GPR180: variants seen among roughly 807,000 people sequenced by gnomAD.
The protein encoded by GPR180 is G protein-coupled receptor 180, also known as integral membrane protein GPR180.
A neutral mutation model predicts 52.6 loss-of-function variants in GPR180; 53 were observed. The ratio of observed to expected loss-of-function variants is 1.01; its 90% confidence interval spans 0.81 to 1.27. The LOEUF is 1.27. Among genes scored for constraint, GPR180 ranks in the 50% most tolerant of loss-of-function variants. The pLI is 0.00. For synonymous variants in GPR180, 200 were observed against 193.1 expected (o/e 1.04, Z -0.30); for missense variants, 533 against 527.0 (o/e 1.01, Z -0.11).
intron 2 of GPR180, 150 bp from the exon 3 acceptor site, chr13:94,612,040 C>G (rs1207971224): frequency 8.2e-6 from 5 of 610,336 alleles, no homozygotes; most frequent in Non-Finnish European, 1.4e-5. Flanking sequence ...ATCTGGTTTA[C>G]AAGACTTATT....
intron 8 of GPR180, among the ~76,000 whole-genome samples, chr13:94,626,261 GTAC>G (rs1418727950): frequency 6.6e-6 from 1 of 152,014 alleles, no homozygotes; most frequent in East Asian, 1.9e-4. Flanking sequence ...TTTCTTGATT[GTAC>G]TACAATAGAT....
chr13:94,624,437 T>A (rs1889895234), intron 7 of GPR180, among the ~76,000 whole-genome samples: 1 of 152,248 alleles, frequency 6.6e-6, no homozygotes, highest in South Asian at 2.1e-4. Flanking sequence ...TTCAGGCTTC[T>A]GAGCGCAAGA....
intron 2 of GPR180, among the ~76,000 whole-genome samples, chr13:94,609,837 C>T (rs1889681549): frequency 6.6e-6 from 1 of 151,818 alleles, no homozygotes; most frequent in Non-Finnish European, 1.5e-5. Flanking sequence ...ATCAGATCCT[C>T]TTGTTCAATT....
chr13:94,619,487 G>A lies in GPR180; in HGVS notation c.706G>A (p.Gly236Arg), dbSNP rs1313945530. Residue 236 changes from glycine to arginine, a missense_variant, in exon 5 of 9, where the codon GGG becomes AGG. Coordinates refer to ENST00000376958, the MANE Select transcript of GPR180 (RefSeq NM_180989.6). ...CCTCAGTTACTCCAAAGATGGAATA[G>A]GGGTACCATTTATGGGAAGTTTGGC... is the stretch of plus-strand genomic sequence containing the variant. ...HFSSYSKDGI[G>R]VPFMGSLAEF... is the part of the protein sequence containing the mutation. 1 of 1,613,478 alleles carries A rather than the reference G, an allele frequency of 6.2e-7. No homozygotes were observed. Among genetic ancestry groups the A allele is most frequent in the Admixed American group, 1.7e-5 (1 of 59,986 alleles).
At chr13:94,603,593 AG>A (rs1442198569) in intron 1 of GPR180, among the ~76,000 whole-genome samples, 1 of 152,234 alleles carries the variant, frequency 6.6e-6, no homozygotes, top group Non-Finnish European at 1.5e-5. Flanking sequence ...TGCAATTTAC[AG>A]TGTCAATTGG....
intron 6 of GPR180, among the ~76,000 whole-genome samples, chr13:94,621,702 T>G (rs1889853991): frequency 6.6e-6 from 1 of 152,184 alleles, no homozygotes; most frequent in Admixed American, 6.5e-5. Context: ...TAAGATTAAT[T>G]AAAGGGCAAA....
rs534124610 is a variant in GPR180, at chr13:94,618,749, G to C, written c.506-401G>C. Among the ~76,000 whole-genome samples, 5 of 152,194 alleles carry C rather than the reference G, an allele frequency of 3.3e-5. No homozygotes were observed. The South Asian group carries it at 8.3e-4, about 25-fold the overall frequency. The stretch of plus-strand genomic sequence containing the variant: ...ATGCATTGTCAGGGCATATTAAACT[G>C]TTATTGACTGAGGTAATCTATTTCT... On this transcript the variant is annotated intron_variant, in intron 3 of 8. Coordinates refer to ENST00000376958, the MANE Select transcript of GPR180 (RefSeq NM_180989.6).
intron 6 of GPR180, among the ~76,000 whole-genome samples, chr13:94,622,889 T>A (rs897623173): frequency 5.3e-5 from 8 of 152,192 alleles, no homozygotes; most frequent in Non-Finnish European, 7.4e-5. Flanking sequence ...TAGAATTTTT[T>A]AAAAATCTCT....
At chr13:94,622,741 T>C (rs570350500) in intron 6 of GPR180, among the ~76,000 whole-genome samples, 2 of 152,264 alleles carry the variant, frequency 1.3e-5, no homozygotes, top group East Asian at 3.9e-4. Flanking sequence ...ACCCAGCTAA[T>C]TTTTTGTATT....
rs558130308 is a variant in GPR180 at position 94,608,837 on chromosome 13, A to G, written c.304+3288A>G. ...TGCTGCTGTGTACTATGAAAAGACT[A>G]GCAGATTAGAAAAATCTTAGTGTTG... On this transcript the variant is annotated intron_variant, in intron 2 of 8. Transcript: ENST00000376958. Among the ~76,000 whole-genome samples, 48 of 152,328 alleles carry G rather than the reference A, an allele frequency of 3.2e-4. 1 individual carries two copies. Among genetic ancestry groups the G allele is most frequent in the Admixed American group, 1.7e-3 (26 of 15,298 alleles).
At position 94,629,395 on chromosome 13, in the gene GPR180, A is replaced by C. The variant is rs1297323652; in HGVS notation, c.*2224A>C. The stretch of plus-strand genomic sequence containing the variant: ...CATTTCTTTTCTTCCCTTAAAAAAT[A>C]GATGCTTATTTTTATTGACATGTGT... On this transcript the variant is annotated 3_prime_UTR_variant, in exon 9 of 9. Transcript: ENST00000376958. 6.6e-6 allele frequency: 1 copy of C among 152,188 alleles called. No individual in the cohort carries two copies. The highest frequency in any genetic ancestry group is 1.5e-5 in the Non-Finnish European group (1 of 68,008). 9.4% of individuals were successfully genotyped at this position (152,188 alleles called of 1,614,324 possible). A position where few individuals can be genotyped will look rare whatever the true frequency, so the allele number is the denominator to read the frequency against.
intron 7 of GPR180, among the ~76,000 whole-genome samples, chr13:94,623,516 T>C (rs1889881415): frequency 6.6e-6 from 1 of 152,040 alleles, no homozygotes; most frequent in Non-Finnish European, 1.5e-5. Context: ...ACCCCATCTC[T>C]ACAAAAAATT....
intron 1 of GPR180, 34 bp downstream of exon 1, chr13:94,602,106 C>G: frequency 7.7e-7 from 1 of 1,293,810 alleles, no homozygotes; most frequent in Non-Finnish European, 9.8e-7. Flanking sequence ...GATGAAGGCG[C>G]GCTGGCCCAT....
chr13:94,606,820 G>A (rs1165437880), intron 2 of GPR180, among the ~76,000 whole-genome samples: 2 of 152,204 alleles, frequency 1.3e-5, no homozygotes, highest in Non-Finnish European at 2.9e-5. Context: ...ATGATATTGT[G>A]AGAAGATAGT....
At position 94,628,315 on chromosome 13, in the gene GPR180, A is replaced by G. The variant is rs927867819; in HGVS notation, c.*1144A>G. On this transcript the variant is annotated 3_prime_UTR_variant, in exon 9 of 9. Transcript: ENST00000376958. ...TTAAAGAATTGCTAAATGGTTGTCA[A>G]TACTCGCTGTATAAAATGAGTATTC... 9.9e-5 allele frequency: 15 copies of G among 152,222 alleles called. No homozygotes were observed. Among genetic ancestry groups the G allele is most frequent in the African/African-American group, 2.7e-4 (11 of 41,432 alleles). The allele number at this position is 152,222 out of a possible 1,614,324, so 9.4% of individuals were successfully genotyped here. A position where few individuals can be genotyped will look rare whatever the true frequency, so the allele number is the denominator to read the frequency against.
chr13:94,618,362 G>A (rs973650607), intron 3 of GPR180, among the ~76,000 whole-genome samples: 2 of 146,252 alleles, frequency 1.4e-5, no homozygotes, highest in Non-Finnish European at 3.0e-5. Flanking sequence ...TAGCCATTTG[G>A]TTAGGTGTTA....
chr13:94,619,236 A>G lies in GPR180; in HGVS notation c.592A>G (p.Lys198Glu). 1.2e-6 allele frequency: 2 copies of G among 1,614,140 alleles called. No homozygotes were observed. Among genetic ancestry groups the G allele is most frequent in the Non-Finnish European group, 1.7e-6 (2 of 1,179,994 alleles). Residue 198 changes from lysine (K) to glutamate (E), a missense_variant, in exon 4 of 9, where the codon AAA becomes GAA. Transcript: ENST00000376958. The part of the protein sequence containing the change: ...YAQSLWQAIK[K>E]GGPMHMILKV... ...TCAATCATTGTGGCAGGCTATTAAG[A>G]AAGGCGGACCCATGCACATGATTTT...
intron 6 of GPR180, among the ~76,000 whole-genome samples, chr13:94,622,761 G>A (rs1889867998): frequency 1.3e-5 from 2 of 152,158 alleles, no homozygotes; most frequent in African/African-American, 4.8e-5. Flanking sequence ...TTTTAGTAGA[G>A]GTGGGGTTTC....
At chr13:94,609,526 G>A (rs1889676191) in intron 2 of GPR180, among the ~76,000 whole-genome samples, 1 of 151,970 alleles carries the variant, frequency 6.6e-6, no homozygotes, top group Non-Finnish European at 1.5e-5. Flanking sequence ...GTAAAAGTGT[G>A]GGTTTTTTTT....
Sources: allele counts gnomAD v4.1 joint callset (sites outside exome capture counted in the v4.1 genomes callset), GRCh38; gene constraint gnomAD v4.1.1; transcripts MANE v1.5; gene names NCBI Gene and HGNC (gene_info 2026-07-23, HGNC 2026-07-21).